Variants in TAFA2 observed in about 807,000 individuals in gnomAD.
TAFA2 encodes chemokine-like protein TAFA-2.
A neutral mutation model predicts 18.8 loss-of-function variants in TAFA2; 7 were observed. That is an observed-to-expected ratio of 0.37 (90% CI 0.21 to 0.70). The LOEUF is 0.70. TAFA2 is among the 30% of genes least tolerant of loss of function. The pLI, the probability that TAFA2 is intolerant of heterozygous loss-of-function variation, is 0.53. For missense variants in TAFA2, 122 were observed against 158.1 expected (o/e 0.77, Z 1.23); for synonymous variants, 60 against 54.2 (o/e 1.11, Z -0.47).
chr12:62,042,878 C>T (rs772100781), intron 1 of TAFA2, among the ~76,000 whole-genome samples: 14 of 152,060 alleles, frequency 9.2e-5, no homozygotes, highest in Non-Finnish European at 1.9e-4. Context: ...CTTGGATCTG[C>T]CCCAATGCAA....
At chr12:61,880,989 T>A (rs1347701057) in intron 1 of TAFA2, among the ~76,000 whole-genome samples, 2 of 151,920 alleles carry the variant, frequency 1.3e-5, no homozygotes, top group African/African-American at 4.8e-5. Flanking sequence ...AAATAAACCC[T>A]CAGCTAGCTC....
chr12:61,782,570 C>G (rs1283188835), intron 2 of TAFA2, among the ~76,000 whole-genome samples: 2 of 151,676 alleles, frequency 1.3e-5, no homozygotes, highest in Non-Finnish European at 2.9e-5. Flanking sequence ...ACCCTGTCCA[C>G]TTTGGACTTA....
chr12:61,990,184 A>G (rs1479990801), intron 1 of TAFA2, among the ~76,000 whole-genome samples: 3 of 152,138 alleles, frequency 2.0e-5, no homozygotes, highest in East Asian at 1.9e-4. Flanking sequence ...GCTGCAGTAT[A>G]ATGAAAAAAG....
Position 61,753,645 on chromosome 12 carries a change from C to G in TAFA2, c.361G>C (p.Gly121Arg), listed in dbSNP as rs1869123859. ...PDRKGWSCSS[G>R]NKVKTTRVTH is the part of the protein sequence containing the mutation. ...ACCCTAGTTGTTTTGACTTTATTCC[C>G]AGAGGAACAGCTCCATCCTTTCCGA... Residue 121 changes from glycine to arginine, a missense_variant, in exon 4 of 5, where the codon GGG (glycine) becomes CGG (arginine). By Grantham distance (125) the Gly-to-Arg change is moderately radical. This residue lies in a region of TAFA2 where 60 missense variants were observed against 102.7 expected (regional missense o/e 0.58). Transcript: ENST00000416284. 1 of 1,612,076 alleles carries G rather than the reference C, an allele frequency of 6.2e-7. No individual in the cohort carries two copies. Among genetic ancestry groups the G allele is most frequent in the African/African-American group, 1.3e-5 (1 of 74,822 alleles).
At chr12:62,152,979 T>C (rs931465416) in intron 1 of TAFA2, among the ~76,000 whole-genome samples, 5 of 152,148 alleles carry the variant, frequency 3.3e-5, no homozygotes, top group Admixed American at 6.5e-5. Context: ...GTTTCCATGA[T>C]GGAAAGGATC....
rs151268320 is a variant in TAFA2 at position 62,212,019 on chromosome 12, T to G, written c.-130+46744A>C. Among the ~76,000 whole-genome samples the G allele has an allele frequency of 2.7e-3, 407 of 152,348 alleles. 10 individuals are homozygous for G. Among genetic ancestry groups the G allele is most frequent in the East Asian group, 1.4e-3 (7 of 5,182 alleles). On this transcript the variant is annotated intron_variant, in intron 1 of 5. Coordinates refer to the TAFA2 transcript ENST00000551619. ...AATACTCTGTCAGTAGTAACTTTAT[T>G]ATTAGTGACCCACTTCACAACAAAT...
At chr12:62,213,598 G>A (rs56131858) in intron 1 of TAFA2, among the ~76,000 whole-genome samples, 14,105 of 150,968 alleles carry the variant, frequency 0.093, 713 homozygotes, top group Middle Eastern at 0.19. Context: ...AGCCGAGATC[G>A]TGCCACTGCA....
At chr12:62,164,793 A>G (rs2062428078) in intron 1 of TAFA2, among the ~76,000 whole-genome samples, 1 of 152,122 alleles carries the variant, frequency 6.6e-6, no homozygotes, top group Non-Finnish European at 1.5e-5. Flanking sequence ...TAGAAAGGAC[A>G]TTGAGGATCA....
intron 2 of TAFA2, among the ~76,000 whole-genome samples, chr12:61,841,407 G>T (rs901087426): frequency 3.3e-5 from 5 of 152,138 alleles, no homozygotes; most frequent in African/African-American, 1.2e-4. Flanking sequence ...GAAGAGACTG[G>T]TCTTTCTCTA....
chr12:62,099,793 A>C (rs570094451), intron 1 of TAFA2, among the ~76,000 whole-genome samples: 1 of 152,200 alleles, frequency 6.6e-6, no homozygotes, highest in South Asian at 2.1e-4. Context: ...CCTTCACTTT[A>C]CAGATCAGTA....
At chr12:62,181,367 A>T (rs552758408) in intron 1 of TAFA2, among the ~76,000 whole-genome samples, 1 of 152,372 alleles carries the variant, frequency 6.6e-6, no homozygotes, top group South Asian at 2.1e-4. Context: ...AATCAATAGA[A>T]ATGAGATATA....
chr12:61,798,008 GA>G (rs1246153476), intron 2 of TAFA2, among the ~76,000 whole-genome samples: 4 of 152,112 alleles, frequency 2.6e-5, no homozygotes, highest in Non-Finnish European at 5.9e-5. Context: ...GAATCTATTA[GA>G]ATAGGGCATT....
intron 1 of TAFA2, among the ~76,000 whole-genome samples, chr12:62,138,464 G>C (rs76741042): frequency 0.015 from 2,215 of 152,204 alleles, 56 homozygotes; most frequent in African/African-American, 0.051. Context: ...CGCAGGAATT[G>C]TTGCCTGATA....
At chr12:62,060,934 A>C (rs1357606614) in intron 1 of TAFA2, among the ~76,000 whole-genome samples, 1 of 152,104 alleles carries the variant, frequency 6.6e-6, no homozygotes, top group East Asian at 1.9e-4. Flanking sequence ...AAATTAAAAA[A>C]GTTTAAAGGG....
intron 1 of TAFA2, among the ~76,000 whole-genome samples, chr12:61,890,598 G>T (rs1410224662): frequency 6.6e-6 from 1 of 152,214 alleles, no homozygotes; most frequent in African/African-American, 2.4e-5. Context: ...GGTCTTAATA[G>T]TAGAACAAAT....
chr12:61,809,106 G>A (rs114083348), intron 2 of TAFA2, among the ~76,000 whole-genome samples: 1,662 of 151,584 alleles, frequency 0.011, 84 homozygotes, highest in African/African-American at 0.033. Flanking sequence ...GTGTGTGTGC[G>A]TGCATGTGCA....
intron 1 of TAFA2, among the ~76,000 whole-genome samples, chr12:62,212,186 C>T (rs2062716589): frequency 6.6e-6 from 1 of 152,166 alleles, no homozygotes; most frequent in African/African-American, 2.4e-5. Context: ...CATTAGCTAA[C>T]AGAATTGGAG....
intron 1 of TAFA2, among the ~76,000 whole-genome samples, chr12:62,049,807 G>T (rs1243903080): frequency 6.6e-6 from 1 of 152,132 alleles, no homozygotes; most frequent in Non-Finnish European, 1.5e-5. Context: ...AGAAACAAGA[G>T]AATATGTAGG....
In TAFA2 at chr12:61,988,586, A is replaced by G. The variant is rs948378265; in HGVS notation, c.-1-121160T>C. Among the ~76,000 whole-genome samples the G allele has an allele frequency of 5.3e-5, 8 of 152,202 alleles. No homozygotes were observed. In the East Asian group the frequency reaches 1.5e-3, roughly 29 times the overall value. Reference sequence around the variant, plus strand: ...CCACTGTTTATTGAAAGCACCTACTATGTGCACTACAATTTTGCTTAAGAA... The same window carrying G: ...CCACTGTTTATTGAAAGCACCTACTGTGTGCACTACAATTTTGCTTAAGAA... On this transcript the variant is annotated intron_variant, in intron 1 of 4. Coordinates refer to ENST00000416284, the MANE Select transcript of TAFA2 (RefSeq NM_178539.5).
Sources: allele counts gnomAD v4.1 joint callset (sites outside exome capture counted in the v4.1 genomes callset), GRCh38; gene constraint gnomAD v4.1.1; regional missense constraint gnomAD v4.1.1; transcripts MANE v1.5; gene names NCBI Gene and HGNC (gene_info 2026-07-23, HGNC 2026-07-21).